Variants in VSIG10L observed in about 807,000 individuals in gnomAD.
VSIG10L encodes V-set and immunoglobulin domain containing 10 like.
In VSIG10L, 63 loss-of-function variants were observed where a neutral mutation model predicts 67.3. The observed-to-expected ratio is 0.94, with a 90% CI of 0.76 to 1.15. The LOEUF (loss-of-function observed/expected upper bound fraction) is 1.15, where lower values mean the gene tolerates loss of function less well. VSIG10L is among the 50% of genes most tolerant of loss of function. VSIG10L has a pLI of 0.00. For synonymous variants in VSIG10L, 499 were observed against 524.9 expected (o/e 0.95, Z 0.67); for missense variants, 1,050 against 1,177.5 (o/e 0.89, Z 1.58).
At chr19:51,333,655 A>G in intron 9 of VSIG10L, 136 bp downstream of exon 9, 8 of 1,084,544 alleles carry the variant, frequency 7.4e-6, no homozygotes, top group Non-Finnish European at 9.9e-6. Flanking sequence ...TGCATTTTTA[A>G]AAAGGATAAA....
rs764549321 is a variant in VSIG10L, at chr19:51,341,166, C to A, written c.882G>T (p.Thr294=). 1.3e-6 allele frequency: 2 copies of A among 1,524,116 alleles called. No individual in the cohort carries two copies. Among genetic ancestry groups the A allele is most frequent in the African/African-American group, 1.4e-5 (1 of 71,924 alleles). 94.4% of individuals were successfully genotyped at this position (1,524,116 alleles called of 1,614,324 possible). A position where few individuals can be genotyped will look rare whatever the true frequency, so the allele number is the denominator to read the frequency against. The change falls in exon 2 of 10, where the codon ACG becomes ACT. Residue 294 remains threonine, a synonymous_variant. Transcript: ENST00000335624. Reference sequence around the variant, plus strand: ...GGGCCCACTTACCATACACACCCACCGTGAACTCGTGAGTCTGCTGGGAGA... The same window carrying A: ...GGGCCCACTTACCATACACACCCACAGTGAACTCGTGAGTCTGCTGGGAGA... The part of the protein sequence containing the change: ...AGVSQQTHEF[T]VGVYEPLPQL...
rs560220952 is a variant in VSIG10L at position 51,338,120 on chromosome 19, G to T, written c.1818C>A (p.Pro606=). Residue 606 remains proline (P), a synonymous_variant, in exon 6 of 10, where the codon CCC becomes CCA. Transcript: ENST00000335624. Reference sequence around the variant, plus strand: ...GGGCCCAGGATGCCCGTGAGGGTGGGGGACAACCAGAGGCCTCCAGTGCCA... The same window carrying T: ...GGGCCCAGGATGCCCGTGAGGGTGGTGGACAACCAGAGGCCTCCAGTGCCA... ...AEVALEASGC[P]PPSRASWARE... 1.3e-6 allele frequency: 2 copies of T among 1,548,978 alleles called. No individual in the cohort carries two copies. Among genetic ancestry groups the T allele is most frequent in the African/African-American group, 2.7e-5 (2 of 72,892 alleles).
rs764549321 is a variant in VSIG10L at position 51,341,166 on chromosome 19, C to T, written c.882G>A (p.Thr294=). ...AGVSQQTHEF[T]VGVYEPLPQL... ...GGGCCCACTTACCATACACACCCAC[C>T]GTGAACTCGTGAGTCTGCTGGGAGA... Residue 294 remains threonine (T), a synonymous_variant, in exon 2 of 10, where the codon ACG becomes ACA. Coordinates refer to ENST00000335624, the MANE Select transcript of VSIG10L (RefSeq NM_001163922.3). The T allele has an allele frequency of 3.3e-5, 50 of 1,524,118 alleles. No individual in the cohort carries two copies. The highest frequency in any genetic ancestry group is 4.2e-5 in the African/African-American group (3 of 71,924). 94.4% of individuals were successfully genotyped at this position (1,524,118 alleles called of 1,614,324 possible).
Position 51,332,421 on chromosome 19 carries a change from G to T in VSIG10L, c.*190C>A. The T allele has an allele frequency of 1.4e-6, 1 of 714,222 alleles. No individual in the cohort carries two copies. The highest frequency in any genetic ancestry group is 1.5e-5 in the South Asian group (1 of 65,712). The allele number at this position is 714,222 out of a possible 1,614,324, so 44.2% of individuals were successfully genotyped here. ...CATCTCCTTACTTGCACAAATACAG[G>T]AAGACTCTTCTTCTGCAGCAAGAGA... On this transcript the variant is annotated 3_prime_UTR_variant, in exon 10 of 10. Coordinates refer to ENST00000335624, the MANE Select transcript of VSIG10L (RefSeq NM_001163922.3).
At position 51,337,460 on chromosome 19, in the gene VSIG10L, C is replaced by T. The variant is rs1169080698; in HGVS notation, c.2083G>A (p.Ala695Thr). ...AVLTWDVERGALISSFEIQAW... is the reference protein window; with the variant it reads ...AVLTWDVERGTLISSFEIQAW... The stretch of plus-strand genomic sequence containing the variant: ...TGGATCTCAAAACTGCTGATCAGGG[C>T]CCCGCGCTCCACATCCCAAGTCAGC... The change falls in exon 7 of 10, where the codon GCC becomes ACC. Residue 695 changes from alanine (A) to threonine (T), a missense_variant. Around this residue, in one of 3 missense-constraint regions of VSIG10L, gnomAD observed 529 missense variants for 584.9 expected, o/e 0.90. Coordinates refer to ENST00000335624, the MANE Select transcript of VSIG10L (RefSeq NM_001163922.3). The T allele has an allele frequency of 6.4e-7, 1 of 1,551,560 alleles. No individual in the cohort carries two copies. Among genetic ancestry groups the T allele is most frequent in the South Asian group, 1.2e-5 (1 of 84,060 alleles).
Position 51,340,979 on chromosome 19 carries a change from A to G in VSIG10L, c.895+174T>C. The G allele has an allele frequency of 1.9e-6, 2 of 1,060,576 alleles. No homozygotes were observed. The highest frequency in any genetic ancestry group is 2.2e-5 in the South Asian group (1 of 45,284). The allele number at this position is 1,060,576 out of a possible 1,614,324, so 65.7% of individuals were successfully genotyped here. On this transcript the variant is annotated intron_variant, in intron 2 of 9. Coordinates refer to ENST00000335624, the MANE Select transcript of VSIG10L (RefSeq NM_001163922.3). The surrounding 1 kb of genome is among the most constrained non-coding windows in gnomAD (Gnocchi z 6.3). ...TCAGGCTCCCAGGAGTCTCCATCCC[A>G]GGTCCACCTTTGCTCAGACACCCCT...
In VSIG10L at chr19:51,341,493, G is replaced by A; in HGVS notation, c.555C>T (p.Thr185=). Residue 185 remains threonine, a synonymous_variant, in exon 2 of 10, where the codon ACC becomes ACT. Coordinates refer to ENST00000335624, the MANE Select transcript of VSIG10L (RefSeq NM_001163922.3). ...GCTGGGGAAAGCTTGCAGCTGAGTGGGTCTCTGCAGAAAATTTGGATTCAG... is the reference window on the plus strand; with the variant it reads ...GCTGGGGAAAGCTTGCAGCTGAGTGAGTCTCTGCAGAAAATTTGGATTCAG... ...QSPESKFSAE[T]HSAASFPQQV... The A allele has an allele frequency of 1.3e-6, 2 of 1,550,672 alleles. No homozygotes were observed. The highest frequency in any genetic ancestry group is 1.4e-5 in the African/African-American group (1 of 73,042).
rs760172745 is a variant in VSIG10L at position 51,333,823 on chromosome 19, G to A, written c.2542C>T (p.Leu848=). ...ISWPLDLKVP[L]EDHSSTRAYQ... The stretch of plus-strand genomic sequence containing the variant: ...GCCCTAGTTGAGCTGTGGTCCTCCA[G>A]AGGGACTTTGAGGTCCAGAGGCCAT... The change falls in exon 9 of 10, where the codon CTG becomes TTG. Residue 848 remains leucine, a synonymous_variant. Transcript: ENST00000335624. 1.3e-6 allele frequency: 2 copies of A among 1,551,378 alleles called. No homozygotes were observed. The highest frequency in any genetic ancestry group is 2.4e-5 in the East Asian group (1 of 40,928).
Position 51,338,889 on chromosome 19 carries a change from C to A in VSIG10L, c.1728G>T (p.Pro576=), listed in dbSNP as rs775168802. 10 of 1,395,648 alleles carry A rather than the reference C, an allele frequency of 7.2e-6. No individual in the cohort carries two copies. Among genetic ancestry groups the A allele is most frequent in the Middle Eastern group, 1.9e-4 (1 of 5,348 alleles). 86.5% of individuals were successfully genotyped at this position (1,395,648 alleles called of 1,614,324 possible). ...CAAAAAAGCCCCGCGCCCTCTCACC[C>A]GGCGTGACTGTGCAGGTACGCGTGG... ...LVATRTCTVT[P]EAPREVLLHP... The change falls in exon 5 of 10, where the codon CCG becomes CCT. Residue 576 remains proline, a splice_region_variant and synonymous_variant. Transcript: ENST00000335624.
rs1371451070 is a variant in VSIG10L at position 51,339,918 on chromosome 19, T to G, written c.1474+97A>C. On this transcript the variant is annotated intron_variant, in intron 4 of 9. Coordinates refer to ENST00000335624, the MANE Select transcript of VSIG10L (RefSeq NM_001163922.3). ...CCTGCCCCACCCACCGGTATGCTGC[T>G]CCTCCTTGCTGGCCCCGCCCCTTTC... 4.3e-5 allele frequency: 47 copies of G among 1,104,068 alleles called. 1 individual carries two copies. In the East Asian group the frequency reaches 1.6e-3, roughly 39 times the overall value. 68.4% of individuals were successfully genotyped at this position (1,104,068 alleles called of 1,614,324 possible). A position where few individuals can be genotyped will look rare whatever the true frequency, so the allele number is the denominator to read the frequency against.
rs1985636082 is a variant in VSIG10L, at chr19:51,341,465, C to T, written c.583G>A (p.Val195Met). 6.5e-7 allele frequency: 1 copy of T among 1,545,178 alleles called. No individual in the cohort carries two copies. Among genetic ancestry groups the T allele is most frequent in the Non-Finnish European group, 8.7e-7 (1 of 1,143,528 alleles). The change falls in exon 2 of 10, where the codon GTG becomes ATG. Residue 195 changes from valine to methionine, a missense_variant. Val to Met is a conservative substitution (Grantham distance 21). Transcript: ENST00000335624. ...ACCAGCACAGCGAGTGGGCCCCCCA[C>T]CTGCTGGGGAAAGCTTGCAGCTGAG... is the stretch of plus-strand genomic sequence containing the variant. ...THSAASFPQQVGGPLAVLVGT... is the reference protein window; with the variant it reads ...THSAASFPQQMGGPLAVLVGT...
chr19:51,334,086 TG>T, intron 8 of VSIG10L, 104 bp downstream of exon 8: 1 of 1,452,980 alleles, frequency 6.9e-7, no homozygotes, highest in South Asian at 1.2e-5. Context: ...GCAGGATGGA[TG>T]ACCTATGACG....
chr19:51,341,292 T>C lies in VSIG10L; in HGVS notation c.756A>G (p.Arg252=), dbSNP rs1323223667. The C allele has an allele frequency of 1.9e-6, 3 of 1,546,968 alleles. No individual in the cohort carries two copies. Among genetic ancestry groups the C allele is most frequent in the African/African-American group, 2.7e-5 (2 of 72,982 alleles). ...APLISLDPAH[R]DHLRFDQARG... is the part of the protein sequence containing the mutation. Reference sequence around the variant, plus strand: ...GGGCCTGGTCAAATCGCAGGTGGTCTCGGTGAGCAGGGTCCAGGCTGATCA... The same window carrying C: ...GGGCCTGGTCAAATCGCAGGTGGTCCCGGTGAGCAGGGTCCAGGCTGATCA... Residue 252 remains arginine (R), a synonymous_variant, in exon 2 of 10, where the codon CGA becomes CGG. Transcript: ENST00000335624.
intron 9 of VSIG10L, among the ~76,000 whole-genome samples, 188 bp from the exon 10 acceptor site, chr19:51,332,828 C>T (rs1985390709): frequency 6.6e-6 from 1 of 151,840 alleles, no homozygotes; most frequent in African/African-American, 2.4e-5. Flanking sequence ...CAACCCAACC[C>T]AGTTGTTATT....
At chr19:51,333,531 A>G (rs905024139) in intron 9 of VSIG10L, among the ~76,000 whole-genome samples, 2 of 147,178 alleles carry the variant, frequency 1.4e-5, no homozygotes, top group African/African-American at 2.5e-5. Flanking sequence ...TCTGTCTCCA[A>G]AAAAAAAAAA....
chr19:51,338,525 G>T (rs936375624), intron 5 of VSIG10L, among the ~76,000 whole-genome samples: 7 of 152,002 alleles, frequency 4.6e-5, no homozygotes, highest in African/African-American at 1.7e-4. Context: ...ACTGGGTCTT[G>T]CCACACTGCC....
At position 51,342,054 on chromosome 19, in the gene VSIG10L, T is replaced by C; in HGVS notation, c.40+31A>G. 1.3e-6 allele frequency: 2 copies of C among 1,551,666 alleles called. No individual in the cohort carries two copies. Among genetic ancestry groups the C allele is most frequent in the Non-Finnish European group, 1.7e-6 (2 of 1,146,982 alleles). Reference sequence around the variant, plus strand: ...ATTGGGGGAGGCTGCTGAGGGAGACTGACAGGGAAGGGACTGAGCAGGGAA... The same window carrying C: ...ATTGGGGGAGGCTGCTGAGGGAGACCGACAGGGAAGGGACTGAGCAGGGAA... On this transcript the variant is annotated intron_variant, in intron 1 of 9. Transcript: ENST00000335624. This position sits in a 1 kb window ranked among gnomAD's most constrained non-coding sequence, Gnocchi z 4.4.
At position 51,338,959 on chromosome 19, in the gene VSIG10L, C is replaced by T. The variant is rs944029250; in HGVS notation, c.1658G>A (p.Arg553Gln). The change falls in exon 5 of 10, where the codon CGG becomes CAG. Residue 553 changes from arginine to glutamine, a missense_variant. Arg to Gln is a conservative substitution (Grantham distance 43). This residue lies in a region of VSIG10L where 529 missense variants were observed against 584.9 expected (regional missense o/e 0.90). Coordinates refer to ENST00000335624, the MANE Select transcript of VSIG10L (RefSeq NM_001163922.3). ...GCAGGTGATGGGGACGCCGCTGAGC[C>T]GGGGGTGGGCGGGGACGGCCGCCAG... Reference protein sequence around the residue: ...VLLAAVPAHPRLSGVPITCLA... With the variant: ...VLLAAVPAHPQLSGVPITCLA... 2 of 1,418,644 alleles carry T rather than the reference C, an allele frequency of 1.4e-6. No individual in the cohort carries two copies. The highest frequency in any genetic ancestry group is 1.9e-6 in the Non-Finnish European group (2 of 1,078,810). 87.9% of individuals were successfully genotyped at this position (1,418,644 alleles called of 1,614,324 possible).
chr19:51,333,088 G>A (rs1262311207), intron 9 of VSIG10L, among the ~76,000 whole-genome samples: 2 of 152,126 alleles, frequency 1.3e-5, no homozygotes, highest in Non-Finnish European at 2.9e-5. Context: ...GAGCTCAAGT[G>A]ATTCTCTCTC....
Sources: allele counts gnomAD v4.1 joint callset (sites outside exome capture counted in the v4.1 genomes callset), GRCh38; gene constraint gnomAD v4.1.1; regional missense constraint gnomAD v4.1.1; non-coding constraint Gnocchi (gnomAD v3.1); transcripts MANE v1.5; gene names NCBI Gene and HGNC (gene_info 2026-07-23, HGNC 2026-07-21).